HEATR6: variants seen among roughly 807,000 people sequenced by gnomAD.
HEATR6 encodes the protein HEAT repeat containing 6.
Under a neutral mutation model 132.8 loss-of-function variants are expected in HEATR6, and 106 were observed. The observed-to-expected ratio is 0.80, with a 90% CI of 0.68 to 0.94. The LOEUF is 0.94. HEATR6 is among the 40% of genes least tolerant of loss of function. HEATR6 has a pLI of 0.00. For missense variants in HEATR6, 1,339 were observed against 1,425.1 expected (o/e 0.94, Z 0.97); for synonymous variants, 529 against 537.8 (o/e 0.98, Z 0.23).
chr17:60,046,484 T>C (rs948010477), intron 18 of HEATR6, among the ~76,000 whole-genome samples: 1 of 152,142 alleles, frequency 6.6e-6, no homozygotes, highest in African/African-American at 2.4e-5. Flanking sequence ...TTCCTTGTTT[T>C]ACTGAGATGG....
At chr17:60,063,443 T>C (rs2145193844) in intron 9 of HEATR6, 2 of 152,346 alleles carry the variant, frequency 1.3e-5, no homozygotes, top group South Asian at 4.1e-4. Flanking sequence ...GTTATTTTTA[T>C]TGATAATTTG....
chr17:60,050,835 C>A lies in HEATR6; in HGVS notation c.2424+8G>T. 1 of 1,614,088 alleles carries A rather than the reference C, an allele frequency of 6.2e-7. No homozygotes were observed. The highest frequency in any genetic ancestry group is 8.5e-7 in the Non-Finnish European group (1 of 1,179,988). On this transcript the variant is annotated splice_region_variant and intron_variant, in intron 15 of 19. Coordinates refer to ENST00000184956, the MANE Select transcript of HEATR6 (RefSeq NM_022070.5). Reference sequence around the variant, plus strand: ...TGATTTAAGGGTGAGAAAACACCCTCACATTACCGGCAGATTGCTGAAGGC... The same window carrying A: ...TGATTTAAGGGTGAGAAAACACCCTAACATTACCGGCAGATTGCTGAAGGC...
In HEATR6 at chr17:60,057,509, A is replaced by AATCT. The variant is rs1906784842; in HGVS notation, c.1724-110_1724-107dup. ...AATTAGTAGTTCCTTGTGTAACCTG[A>AATCT]ATCTAATCAAACTTCTAGACCTCAT... On this transcript the variant is annotated intron_variant, in intron 11 of 19. Transcript: ENST00000184956. 4.3e-6 allele frequency: 3 copies of AATCT among 702,078 alleles called. No homozygotes were observed. The South Asian group carries it at 5.7e-5, about 13-fold the overall frequency. The allele number at this position is 702,078 out of a possible 1,614,324, so 43.5% of individuals were successfully genotyped here. A position where few individuals can be genotyped will look rare whatever the true frequency, so the allele number is the denominator to read the frequency against.
rs554113913 is a variant in HEATR6 at position 60,042,394 on chromosome 17, C to T, written c.*1169G>A. On this transcript the variant is annotated 3_prime_UTR_variant, in exon 20 of 20. Coordinates refer to ENST00000184956, the MANE Select transcript of HEATR6 (RefSeq NM_022070.5). Reference sequence around the variant, plus strand: ...CTGTGAGGCACTGTCAGCATCCTCGCGTCCTGTGCGGCTGTGAGGCACTGT... The same window carrying T: ...CTGTGAGGCACTGTCAGCATCCTCGTGTCCTGTGCGGCTGTGAGGCACTGT... Among the ~76,000 whole-genome samples the T allele has an allele frequency of 1.4e-5, 2 of 141,122 alleles. No homozygotes were observed. The highest frequency in any genetic ancestry group is 6.9e-5 in the Admixed American group (1 of 14,490). The allele number at this position is 141,122 out of a possible 152,430, so 92.6% of individuals were successfully genotyped here.
At position 60,066,227 on chromosome 17, in the gene HEATR6, C is replaced by T; in HGVS notation, c.1398G>A (p.Leu466=). Residue 466 remains leucine, a synonymous_variant, in exon 9 of 20, where the codon TTG becomes TTA. Transcript: ENST00000184956. ...PQSVSLMTLT[L]KDPSPKTRAC... ...CTCTTACCTTTGGAGAAGGGTCTTT[C>T]AATGTAAGAGTCATCAAGGACACTG... is the stretch of plus-strand genomic sequence containing the variant. The T allele has an allele frequency of 6.2e-7, 1 of 1,612,742 alleles. No individual in the cohort carries two copies. The highest frequency in any genetic ancestry group is 8.5e-7 in the Non-Finnish European group (1 of 1,179,538).
In HEATR6 at chr17:60,043,308, G is replaced by T; in HGVS notation, c.*255C>A. 1 of 453,530 alleles carries T rather than the reference G, an allele frequency of 2.2e-6. No individual in the cohort carries two copies. 28.1% of individuals were successfully genotyped at this position (453,530 alleles called of 1,614,324 possible). A position where few individuals can be genotyped will look rare whatever the true frequency, so the allele number is the denominator to read the frequency against. ...AATGCCCTCAAAGCCCGTCTGCTTG[G>T]CCTGTATTACAACCTGACTCCTCGG... On this transcript the variant is annotated 3_prime_UTR_variant, in exon 20 of 20. Coordinates refer to ENST00000184956, the MANE Select transcript of HEATR6 (RefSeq NM_022070.5).
At position 60,066,204 on chromosome 17, in the gene HEATR6, C is replaced by T. The variant is rs369183711; in HGVS notation, c.1416+5G>A. 1 of 1,608,772 alleles carries T rather than the reference C, an allele frequency of 6.2e-7. No individual in the cohort carries two copies. The highest frequency in any genetic ancestry group is 8.5e-7 in the Non-Finnish European group (1 of 1,177,540). On this transcript the variant is annotated splice_donor_5th_base_variant and intron_variant, in intron 9 of 19. Coordinates refer to ENST00000184956, the MANE Select transcript of HEATR6 (RefSeq NM_022070.5). Reference sequence around the variant, plus strand: ...TTATAAAGCTTAGAGTTTAAATTCTCTTACCTTTGGAGAAGGGTCTTTCAA... The same window carrying T: ...TTATAAAGCTTAGAGTTTAAATTCTTTTACCTTTGGAGAAGGGTCTTTCAA...
At chr17:60,072,158 C>A in intron 5 of HEATR6, 57 bp downstream of exon 5, 1 of 794,672 alleles carries the variant, frequency 1.3e-6, no homozygotes, top group South Asian at 2.7e-5. Flanking sequence ...TAACACTTTT[C>A]CAATCTGCTT....
At chr17:60,049,122 A>AGTGTGTGTGTGT (rs531092208) in intron 16 of HEATR6, among the ~76,000 whole-genome samples, 1,899 of 134,810 alleles carry the variant, frequency 0.014, 47 homozygotes, top group African/African-American at 0.048. Flanking sequence ...AGAGACAGAG[A>AGTGTGTGTGTGT]GTGTGTGTGT....
At position 60,060,097 on chromosome 17, in the gene HEATR6, C is replaced by G; in HGVS notation, c.1417-1G>C. The G allele has an allele frequency of 6.2e-7, 1 of 1,612,774 alleles. No homozygotes were observed. The highest frequency in any genetic ancestry group is 2.2e-5 in the East Asian group (1 of 44,876). On this transcript the variant is annotated splice_acceptor_variant, in intron 9 of 19. Transcript: ENST00000184956. LOFTEE classifies it high-confidence loss of function. ...AAACTTGCAGAGCACAGGCACGTGTCTGAAATTTCGGGATGATTCACATTG... is the reference window on the plus strand; with the variant it reads ...AAACTTGCAGAGCACAGGCACGTGTGTGAAATTTCGGGATGATTCACATTG...
intron 4 of HEATR6, among the ~76,000 whole-genome samples, chr17:60,072,938 T>C (rs1465368027): frequency 2.0e-5 from 3 of 152,258 alleles, no homozygotes; most frequent in African/African-American, 4.8e-5. Flanking sequence ...TATGTCACTA[T>C]TACCACATTT....
intron 6 of HEATR6, 68 bp downstream of exon 6, chr17:60,070,638 A>C: frequency 2.3e-6 from 2 of 859,016 alleles, no homozygotes; most frequent in Admixed American, 3.7e-5. Context: ...TAGAATAAGG[A>C]TGTAAAGTGG....
intron 14 of HEATR6, among the ~76,000 whole-genome samples, chr17:60,054,190 C>T (rs1306414308): frequency 6.6e-6 from 1 of 152,244 alleles, no homozygotes; most frequent in Non-Finnish European, 1.5e-5. Flanking sequence ...AGATACTGCT[C>T]GGTTTTCTGC....
At chr17:60,070,511 CATTT>C (rs199849457) in intron 6 of HEATR6, among the ~76,000 whole-genome samples, 191 bp downstream of exon 6, 2,222 of 152,276 alleles carry the variant, frequency 0.015, 23 homozygotes, top group Non-Finnish European at 0.022. Flanking sequence ...AATTTTGATG[CATTT>C]ATTAAATGGA....
chr17:60,070,401 CTCT>C (rs1366688226), intron 6 of HEATR6, among the ~76,000 whole-genome samples: 1 of 152,050 alleles, frequency 6.6e-6, no homozygotes, highest in Non-Finnish European at 1.5e-5. Flanking sequence ...GAAGCACTGG[CTCT>C]TCTTGTACAA....
intron 14 of HEATR6, among the ~76,000 whole-genome samples, chr17:60,053,336 G>A (rs369654721): frequency 1.3e-5 from 2 of 152,284 alleles, no homozygotes; most frequent in African/African-American, 4.8e-5. Flanking sequence ...GCAGAACTGT[G>A]AGCCAGACGA....
chr17:60,056,896 C>T, intron 12 of HEATR6, 152 bp downstream of exon 12: 1 of 573,872 alleles, frequency 1.7e-6, no homozygotes, highest in Non-Finnish European at 3.0e-6. Context: ...CAAAACAAAA[C>T]AACAACAAAA....
intron 14 of HEATR6, among the ~76,000 whole-genome samples, chr17:60,052,682 G>A (rs538850149): frequency 4.6e-5 from 7 of 152,294 alleles, no homozygotes; most frequent in Non-Finnish European, 7.4e-5. Context: ...AAAGGGCAGA[G>A]GGAGCAAAGA....
At chr17:60,062,199 T>G (rs1176950464) in intron 9 of HEATR6, among the ~76,000 whole-genome samples, 2 of 152,258 alleles carry the variant, frequency 1.3e-5, no homozygotes, top group African/African-American at 4.8e-5. Context: ...TTGCTTCTTT[T>G]GCTCTTATAT....
Sources: allele counts gnomAD v4.1 joint callset (sites outside exome capture counted in the v4.1 genomes callset), GRCh38; gene constraint gnomAD v4.1.1; transcripts MANE v1.5; gene names NCBI Gene and HGNC (gene_info 2026-07-23, HGNC 2026-07-21).